ARPP21: variants seen among roughly 807,000 people sequenced by gnomAD.
The protein encoded by ARPP21 is cAMP-regulated phosphoprotein 21.
A neutral mutation model predicts 113.2 loss-of-function variants in ARPP21; 69 were observed. The ratio of observed to expected loss-of-function variants is 0.61; its 90% CI spans 0.50 to 0.74. The LOEUF is 0.74. Among genes scored for constraint, ARPP21 ranks in the 30% least tolerant of loss-of-function variants. ARPP21 has a pLI of 0.00. For synonymous variants in ARPP21, 368 were observed against 375.5 expected (o/e 0.98, Z 0.23); for missense variants, 1,070 against 1,037.4 (o/e 1.03, Z -0.43).
At chr3:35,735,840 A>G (rs1293787963) in intron 15 of ARPP21, among the ~76,000 whole-genome samples, 2 of 152,206 alleles carry the variant, frequency 1.3e-5, no homozygotes, top group Non-Finnish European at 1.5e-5. Context: ...AGTTCAATGA[A>G]CAGTTTGCCT....
intron 19 of ARPP21, among the ~76,000 whole-genome samples, chr3:35,754,199 A>C (rs979524716): frequency 6.6e-6 from 1 of 151,960 alleles, no homozygotes. Context: ...TTCTTTAAAA[A>C]GATGTATTTT....
In ARPP21 at chr3:35,668,023, GA is replaced by G. The variant is rs1380805745; in HGVS notation, c.-212-11762del. Among the ~76,000 whole-genome samples the G allele has an allele frequency of 1.4e-3, 201 of 146,848 alleles. 1 individual carries two copies. Among genetic ancestry groups the G allele is most frequent in the Non-Finnish European group, 2.1e-3 (141 of 66,146 alleles). On this transcript the variant is annotated intron_variant, in intron 1 of 20. Coordinates refer to ENST00000684406, the MANE Select transcript of ARPP21 (RefSeq NM_001385562.1). ...AGAAGAAGAAGAAGAAGAAGAAGAA[GA>G]AGAAGAAGGAGAAGAAGAAGAAAGA... is the stretch of plus-strand genomic sequence containing the variant.
Position 35,761,016 on chromosome 3 carries a change from C to T in ARPP21, c.2137+17051C>T, listed in dbSNP as rs564384582. On this transcript the variant is annotated intron_variant, in intron 19 of 20. Coordinates refer to ENST00000684406, the MANE Select transcript of ARPP21 (RefSeq NM_001385562.1). ...ACAGATTCTAATGCTCAGGCAGATC[C>T]GCTTTTCTAAAATGCATTCTCAAGC... 3.3e-5 allele frequency among the ~76,000 whole-genome samples: 5 copies of T among 152,172 alleles called. No individual in the cohort carries two copies. The East Asian group carries it at 5.8e-4, about 18-fold the overall frequency.
chr3:35,770,640 A>T (rs1259492472), intron 19 of ARPP21, among the ~76,000 whole-genome samples: 1 of 152,164 alleles, frequency 6.6e-6, no homozygotes, highest in Admixed American at 6.5e-5. Flanking sequence ...TGATTTTCCC[A>T]CCTTGTGTGG....
intron 6 of ARPP21, among the ~76,000 whole-genome samples, chr3:35,688,920 G>A (rs2081426102): frequency 6.6e-6 from 1 of 150,890 alleles, no homozygotes; most frequent in Non-Finnish European, 1.5e-5. Context: ...GAGAAAAAGG[G>A]TTCCATGGGA....
At chr3:35,782,677 T>C (rs1015169276) in intron 19 of ARPP21, among the ~76,000 whole-genome samples, 3 of 152,312 alleles carry the variant, frequency 2.0e-5, no homozygotes, top group East Asian at 3.9e-4. Context: ...GAATGTGCTA[T>C]GAATTATGAC....
chr3:35,667,498 T>A (rs1354327442), intron 1 of ARPP21, among the ~76,000 whole-genome samples: 1 of 152,156 alleles, frequency 6.6e-6, no homozygotes, highest in East Asian at 1.9e-4. Flanking sequence ...ATATTCCTCA[T>A]TTTAAAATAA....
intron 9 of ARPP21, among the ~76,000 whole-genome samples, chr3:35,696,765 A>G (rs1391719247): frequency 6.6e-6 from 1 of 151,470 alleles, no homozygotes; most frequent in African/African-American, 2.4e-5. Flanking sequence ...GATATTTAGG[A>G]TTTAGGTTAA....
In ARPP21 at chr3:35,721,771, A is replaced by G. The variant is rs763090869; in HGVS notation, c.1162A>G (p.Thr388Ala). The change falls in exon 14 of 21, where the codon ACG becomes GCG. Residue 388 changes from threonine (T) to alanine (A), a missense_variant. Coordinates refer to ENST00000684406, the MANE Select transcript of ARPP21 (RefSeq NM_001385562.1). The stretch of plus-strand genomic sequence containing the variant: ...CAAGACGGCGAGTTTTGGGGGCATC[A>G]CGGTGCTGACCAGGGGTGACAGCAC... ...MTKTASFGGI[T>A]VLTRGDSTSS... is the part of the protein sequence containing the mutation. 2 of 1,613,688 alleles carry G rather than the reference A, an allele frequency of 1.2e-6. No individual in the cohort carries two copies. The highest frequency in any genetic ancestry group is 1.1e-5 in the South Asian group (1 of 90,972).
intron 13 of ARPP21, among the ~76,000 whole-genome samples, chr3:35,718,923 A>C (rs1559732892): frequency 6.7e-6 from 1 of 149,284 alleles, no homozygotes; most frequent in East Asian, 2.0e-4. Flanking sequence ...AAAAAAAAAA[A>C]ATGCATATAG....
At chr3:35,673,260 T>C (rs2076770473) in intron 1 of ARPP21, among the ~76,000 whole-genome samples, 1 of 152,060 alleles carries the variant, frequency 6.6e-6, no homozygotes, top group South Asian at 2.1e-4. Flanking sequence ...CCCTCCCTTT[T>C]GGAAGTGGAG....
intron 13 of ARPP21, among the ~76,000 whole-genome samples, chr3:35,720,186 T>A (rs1307118886): frequency 6.6e-6 from 1 of 152,200 alleles, no homozygotes; most frequent in Non-Finnish European, 1.5e-5. Flanking sequence ...GCACTGAGTA[T>A]TTTCATCTAA....
intron 1 of ARPP21, among the ~76,000 whole-genome samples, chr3:35,645,617 G>T (rs1053731981): frequency 6.6e-6 from 1 of 151,832 alleles, no homozygotes; most frequent in Admixed American, 6.6e-5. Context: ...CTTGTGGTAG[G>T]GACATTTAAA....
At chr3:35,730,458 G>A (rs2093881183) in intron 15 of ARPP21, among the ~76,000 whole-genome samples, 1 of 152,176 alleles carries the variant, frequency 6.6e-6, no homozygotes, top group South Asian at 2.1e-4. Flanking sequence ...CATCCCCCAA[G>A]GCCTAGGACA....
chr3:35,708,593 G>T (rs2090044455), intron 10 of ARPP21, among the ~76,000 whole-genome samples: 1 of 152,024 alleles, frequency 6.6e-6, no homozygotes. Flanking sequence ...TTTTTCACCG[G>T]CATTCTGCCT....
intron 14 of ARPP21, 56 bp from the exon 15 acceptor site, chr3:35,729,247 G>A (rs940783388): frequency 2.6e-5 from 32 of 1,242,618 alleles, no homozygotes; most frequent in Middle Eastern, 2.3e-4. Flanking sequence ...ACTCAGATTG[G>A]TGCTTTCTCT....
intron 11 of ARPP21, among the ~76,000 whole-genome samples, chr3:35,713,594 A>G (rs969577662): frequency 1.2e-4 from 18 of 152,064 alleles, no homozygotes; most frequent in African/African-American, 4.1e-4. Context: ...GGGTTTCACC[A>G]TGTTGCCCAC....
At chr3:35,642,671 T>G (rs918756646) in intron 1 of ARPP21, among the ~76,000 whole-genome samples, 3 of 152,152 alleles carry the variant, frequency 2.0e-5, no homozygotes, top group African/African-American at 4.8e-5. Flanking sequence ...AGAAATAATT[T>G]CAAATTCCTA....
chr3:35,642,649 G>A (rs1575341962), intron 1 of ARPP21, among the ~76,000 whole-genome samples: 1 of 152,084 alleles, frequency 6.6e-6, no homozygotes, highest in Non-Finnish European at 1.5e-5. Flanking sequence ...ATTCTTGGGT[G>A]GTGAGAAGTA....
Sources: allele counts gnomAD v4.1 joint callset (sites outside exome capture counted in the v4.1 genomes callset), GRCh38; gene constraint gnomAD v4.1.1; transcripts MANE v1.5; gene names NCBI Gene and HGNC (gene_info 2026-07-23, HGNC 2026-07-21).